The following CYP2U1 variants were observed in gnomAD, a reference collection of about 807,000 sequenced individuals.
The protein encoded by CYP2U1 is cytochrome P450 2U1.
CYP2U1 carries 28 observed loss-of-function variants against 42.8 expected under a neutral mutation model. That is an observed-to-expected ratio of 0.65 (90% CI 0.48 to 0.90). The LOEUF is 0.90. CYP2U1 is among the 40% of genes least tolerant of loss of function. The pLI is 0.00. For synonymous variants in CYP2U1, 296 were observed against 278.9 expected (o/e 1.06, Z -0.61); for missense variants, 642 against 693.8 (o/e 0.93, Z 0.84).
chr4:107,932,252 T>A (rs542845375), intron 1 of CYP2U1, 119 bp downstream of exon 1: 2 of 1,437,364 alleles, frequency 1.4e-6, no homozygotes, highest in Admixed American at 2.6e-5. Flanking sequence ...GCCTCACACC[T>A]GCATCCTGAA....
At chr4:107,946,880 G>GAGA (rs112915391) in intron 2 of CYP2U1, among the ~76,000 whole-genome samples, 1 of 151,908 alleles carries the variant, frequency 6.6e-6, no homozygotes, top group Non-Finnish European at 1.5e-5. Context: ...ACCTGAGAGA[G>GAGA]GAGAGAGTGG....
chr4:107,944,839 C>CATACATACATACATATATATATAT (rs1553937413), intron 1 of CYP2U1, 131 bp from the exon 2 acceptor site: 1 of 63,220 alleles, frequency 1.6e-5, no homozygotes, highest in African/African-American at 6.5e-5. Flanking sequence ...TTTATATATA[C>CATACATACATACATATATATATAT]ATATATATAT....
At chr4:107,948,303 C>T (rs1232543379) in intron 3 of CYP2U1, among the ~76,000 whole-genome samples, 1 of 150,278 alleles carries the variant, frequency 6.7e-6, no homozygotes, top group South Asian at 2.1e-4. Flanking sequence ...GTGGCTCACA[C>T]CTGTAATCCC....
At chr4:107,940,198 G>A (rs1578721157) in intron 1 of CYP2U1, 1 of 151,208 alleles carries the variant, frequency 6.6e-6, no homozygotes, top group East Asian at 1.9e-4. Context: ...TTTCACCTCA[G>A]CCTCCCGAGT....
intron 1 of CYP2U1, chr4:107,938,104 T>G (rs928911966): frequency 6.6e-6 from 1 of 152,178 alleles, no homozygotes; most frequent in African/African-American, 2.4e-5. Flanking sequence ...CTCAGTCCCT[T>G]TTACCCTTAA....
At chr4:107,939,984 A>G (rs6533327) in intron 1 of CYP2U1, 87,164 of 151,904 alleles carry the variant, frequency 0.57, 25,088 homozygotes, top group East Asian at 0.71. Flanking sequence ...AAACAAGGAC[A>G]TTTGTCTATC....
At position 107,945,030 on chromosome 4, in the gene CYP2U1, C is replaced by G; in HGVS notation, c.551C>G (p.Thr184Ser). The change falls in exon 2 of 5, where the codon ACT becomes AGT. Residue 184 changes from threonine (T) to serine (S), a missense_variant. By Grantham distance (58) the Thr-to-Ser change is moderately conservative. Transcript: ENST00000332884. Reference sequence around the variant, plus strand: ...CAACAAAGGAAGTTCTCTCATTCAACTCTTCGTCATTTTGGGTTGGGAAAA... The same window carrying G: ...CAACAAAGGAAGTTCTCTCATTCAAGTCTTCGTCATTTTGGGTTGGGAAAA... The part of the protein sequence containing the change: ...WRQQRKFSHS[T>S]LRHFGLGKLS... 6.2e-7 allele frequency: 1 copy of G among 1,613,478 alleles called. No homozygotes were observed. The highest frequency in any genetic ancestry group is 1.1e-5 in the South Asian group (1 of 91,024).
chr4:107,945,599 G>A lies in CYP2U1; in HGVS notation c.1120G>A (p.Val374Ile), dbSNP rs1454520801. 4 of 1,566,126 alleles carry A rather than the reference G, an allele frequency of 2.6e-6. No individual in the cohort carries two copies. Among genetic ancestry groups the A allele is most frequent in the Middle Eastern group, 1.7e-4 (1 of 5,792 alleles). Reference sequence around the variant, plus strand: ...GCTGTATATGTCGCTGAACCCCGATGTACAAGGTAATTAATAGGTGTTTCC... The same window carrying A: ...GCTGTATATGTCGCTGAACCCCGATATACAAGGTAATTAATAGGTGTTTCC... ...CLLYMSLNPDVQEKVHEEIER... is the reference protein window; with the variant it reads ...CLLYMSLNPDIQEKVHEEIER... The change falls in exon 2 of 5, where the codon GTA (valine) becomes ATA (isoleucine). Residue 374 changes from valine (V) to isoleucine (I), a missense_variant. Coordinates refer to ENST00000332884, the MANE Select transcript of CYP2U1 (RefSeq NM_183075.3).
In CYP2U1 at chr4:107,950,531, G is replaced by A. The variant is rs537070614; in HGVS notation, c.*108G>A. The A allele has an allele frequency of 8.1e-7, 1 of 1,235,394 alleles. No homozygotes were observed. The highest frequency in any genetic ancestry group is 1.1e-6 in the Non-Finnish European group (1 of 919,152). The allele number at this position is 1,235,394 out of a possible 1,614,324, so 76.5% of individuals were successfully genotyped here. A position where few individuals can be genotyped will look rare whatever the true frequency, so the allele number is the denominator to read the frequency against. On this transcript the variant is annotated 3_prime_UTR_variant, in exon 5 of 5. Coordinates refer to ENST00000332884, the MANE Select transcript of CYP2U1 (RefSeq NM_183075.3). The stretch of plus-strand genomic sequence containing the variant: ...GAATCCAGCAACTCAGTGGATCCAA[G>A]CTGGGCTCAGAGGTCGGAAGGAGGG...
chr4:107,943,860 G>C (rs1452773143), intron 1 of CYP2U1, among the ~76,000 whole-genome samples: 1 of 152,202 alleles, frequency 6.6e-6, no homozygotes, highest in Non-Finnish European at 1.5e-5. Context: ...TGGAAAATAG[G>C]ATGAAATAGG....
chr4:107,947,840 T>C (rs1013545612), intron 3 of CYP2U1, among the ~76,000 whole-genome samples: 3 of 152,150 alleles, frequency 2.0e-5, no homozygotes, highest in African/African-American at 4.8e-5. Context: ...CAGAAAAAGC[T>C]CCAGAATTGA....
At chr4:107,935,172 CAG>C (rs1733213687) in intron 1 of CYP2U1, among the ~76,000 whole-genome samples, 1 of 152,074 alleles carries the variant, frequency 6.6e-6, no homozygotes. Flanking sequence ...GAGATCTCAA[CAG>C]TGTAGTTTCC....
intron 2 of CYP2U1, among the ~76,000 whole-genome samples, chr4:107,946,636 T>C (rs10018413): frequency 0.63 from 95,888 of 151,816 alleles, 30,873 homozygotes; most frequent in African/African-American, 0.75. Flanking sequence ...TTATAAAAAC[T>C]GCCACCAGGC....
At position 107,950,111 on chromosome 4, in the gene CYP2U1, T is replaced by C. The variant is rs545171334; in HGVS notation, c.1457-134T>C. ...ATGCTGTGGGAGGCTATGTGGTATA[T>C]ATGGCAATTTGACTTAAAAACTCCA... On this transcript the variant is annotated intron_variant, in intron 4 of 4. Transcript: ENST00000332884. The C allele has an allele frequency of 9.4e-5, 75 of 796,518 alleles. No individual in the cohort carries two copies. In the African/African-American group the frequency reaches 9.6e-4, roughly 10 times the overall value. The allele number at this position is 796,518 out of a possible 1,614,324, so 49.3% of individuals were successfully genotyped here.
chr4:107,945,742 AG>A, intron 2 of CYP2U1, 137 bp downstream of exon 2: 5 of 1,178,206 alleles, frequency 4.2e-6, no homozygotes, highest in Non-Finnish European at 5.8e-6. Flanking sequence ...ACTCATAGGG[AG>A]TTGGTAAGAT....
rs1414140190 is a variant in CYP2U1 at position 107,931,819 on chromosome 4, T to C, written c.176T>C (p.Ile59Thr). ...SWLRRRRARG[I>T]PPGPTPWPLV... is the part of the protein sequence containing the mutation. ...CTGCGGAGGCGCCGGGCGCGGGGCATCCCGCCCGGGCCCACGCCCTGGCCT... is the reference window on the plus strand; with the variant it reads ...CTGCGGAGGCGCCGGGCGCGGGGCACCCCGCCCGGGCCCACGCCCTGGCCT... The change falls in exon 1 of 5, where the codon ATC becomes ACC. Residue 59 changes from isoleucine to threonine, a missense_variant. Ile to Thr is a moderately conservative substitution (Grantham distance 89). Transcript: ENST00000332884. The C allele has an allele frequency of 3.9e-6, 6 of 1,524,466 alleles. No homozygotes were observed. The highest frequency in any genetic ancestry group is 1.4e-5 in the African/African-American group (1 of 72,142). 94.4% of individuals were successfully genotyped at this position (1,524,466 alleles called of 1,614,324 possible).
intron 2 of CYP2U1, among the ~76,000 whole-genome samples, chr4:107,946,089 T>A (rs1281370056): frequency 6.6e-6 from 1 of 152,234 alleles, no homozygotes; most frequent in African/African-American, 2.4e-5. Flanking sequence ...GTTGCTGTTA[T>A]AACAAATTAC....
At chr4:107,938,071 C>G (rs1258440276) in intron 1 of CYP2U1, 1 of 152,212 alleles carries the variant, frequency 6.6e-6, no homozygotes, top group African/African-American at 2.4e-5. Context: ...CCTGCTTCTT[C>G]TGAGGAATTC....
intron 1 of CYP2U1, among the ~76,000 whole-genome samples, chr4:107,939,646 C>G (rs1029251887): frequency 6.6e-6 from 1 of 152,148 alleles, no homozygotes; most frequent in Admixed American, 6.5e-5. Flanking sequence ...GAGAACTACT[C>G]CCCTAGTTTA....
Sources: allele counts gnomAD v4.1 joint callset (sites outside exome capture counted in the v4.1 genomes callset), GRCh38; gene constraint gnomAD v4.1.1; transcripts MANE v1.5; gene names NCBI Gene and HGNC (gene_info 2026-07-23, HGNC 2026-07-21).